Variants in DMD observed in about 807,000 individuals in gnomAD.
DMD encodes dystrophin.
A neutral mutation model predicts 330.1 loss-of-function variants in DMD; 63 were observed. The observed-to-expected ratio is 0.19, with a 90% CI of 0.16 to 0.24. DMD has a LOEUF of 0.24. Ranked by LOEUF, DMD falls within the 10% of genes least tolerant of loss-of-function variation. DMD has a pLI of 1.00. For missense variants in DMD, 3,344 were observed against 2,684.1 expected, an observed-to-expected ratio of 1.25 and a Z score of -5.43; for synonymous variants, 1,223 against 959.8, an observed-to-expected ratio of 1.27 and a Z score of -5.07.
chrX:32,219,161 T>G, intron 43 of DMD, among the ~76,000 whole-genome samples: 1 of 112,133 alleles, frequency 8.9e-6, no homozygotes, highest in Non-Finnish European at 1.9e-5. Flanking sequence ...TTTATGGTAT[T>G]CTAGAGTTAT....
chrX:31,718,912 A>T (rs753220317), intron 52 of DMD, among the ~76,000 whole-genome samples: 2 of 112,078 alleles, frequency 1.8e-5, no homozygotes, highest in South Asian at 3.7e-4. Flanking sequence ...TTTACAGATG[A>T]GAAAATTAAC....
intron 52 of DMD, among the ~76,000 whole-genome samples, chrX:31,692,937 T>C (rs758953994): frequency 3.9e-4 from 43 of 111,507 alleles, no homozygotes; most frequent in South Asian, 3.0e-3. Flanking sequence ...AGGCCAGCAA[T>C]ACCCTGATCC....
At chrX:32,205,010 T>TCTCTC (rs2097059434) in intron 44 of DMD, among the ~76,000 whole-genome samples, 6 of 53,071 alleles carry the variant, frequency 1.1e-4, no homozygotes, top group African/African-American at 3.9e-4. Flanking sequence ...CTCTCTCACA[T>TCTCTC]ACACACACAC....
At position 33,235,922 on chromosome X, in the gene DMD, T is replaced by TATTA. The variant is rs1569559007; in HGVS notation, c.7+103336_7+103337insTAAT. 7.2e-4 allele frequency among the ~76,000 whole-genome samples: 75 copies of TATTA among 104,886 alleles called. 1 individual carries two copies. The highest frequency in any genetic ancestry group is 2.5e-3 in the African/African-American group (71 of 28,482). The allele number at this position is 104,886 out of a possible 115,157, so 91.1% of individuals were successfully genotyped here. On this transcript the variant is annotated intron_variant, in intron 1 of 17. Coordinates refer to the DMD transcript ENST00000288447. ...TATTATTATTATTATTATTATTTTT[T>TATTA]TTTTTTTTTATGAGACGGAATCTGG... is the stretch of plus-strand genomic sequence containing the variant.
rs540863383 is a variant in DMD at position 32,554,969 on chromosome X, G to A, written c.1993-9635C>T. Among the ~76,000 whole-genome samples, 13 of 101,322 alleles carry A rather than the reference G, an allele frequency of 1.3e-4. 1 individual carries two copies. Among genetic ancestry groups the A allele is most frequent in the African/African-American group, 4.2e-4 (12 of 28,335 alleles). 88.0% of individuals were successfully genotyped at this position (101,322 alleles called of 115,157 possible). A position where few individuals can be genotyped will look rare whatever the true frequency, so the allele number is the denominator to read the frequency against. On this transcript the variant is annotated intron_variant, in intron 16 of 78. Transcript: ENST00000357033. ...AGAGAGAGGGAGAGAGAAAGAAAGAGAGAGAGAGAGAGAGAAAGAAAGAGA... is the reference window on the plus strand; with the variant it reads ...AGAGAGAGGGAGAGAGAAAGAAAGAAAGAGAGAGAGAGAGAAAGAAAGAGA...
intron 54 of DMD, among the ~76,000 whole-genome samples, chrX:31,635,287 T>C (rs1031231944): frequency 5.4e-5 from 6 of 112,145 alleles, no homozygotes; most frequent in Non-Finnish European, 1.1e-4. Flanking sequence ...ATAAACTCTT[T>C]AAAGATATAT....
At chrX:31,238,805 C>T (rs1289176771) in intron 63 of DMD, among the ~76,000 whole-genome samples, 1 of 111,405 alleles carries the variant, frequency 9.0e-6, no homozygotes, top group Non-Finnish European at 1.9e-5. Flanking sequence ...ACCATGATAC[C>T]GGGCAAGGAG....
intron 51 of DMD, among the ~76,000 whole-genome samples, chrX:31,742,074 A>G (rs1209858067): frequency 9.0e-6 from 1 of 111,330 alleles, no homozygotes; most frequent in African/African-American, 3.3e-5. Context: ...CAGCTTCCTC[A>G]CCTCTCTCGG....
intron 43 of DMD, among the ~76,000 whole-genome samples, chrX:32,260,727 A>G (rs921474431): frequency 1.0e-5 from 1 of 96,520 alleles, no homozygotes; most frequent in African/African-American, 3.4e-5. Context: ...TCCAAGAACT[A>G]TACATTATCC....
At chrX:31,175,249 C>T (rs918037936) in intron 71 of DMD, among the ~76,000 whole-genome samples, 2 of 110,748 alleles carry the variant, frequency 1.8e-5, no homozygotes, top group South Asian at 3.8e-4. Flanking sequence ...AGTGTTTTCC[C>T]TTGTAATAGT....
chrX:32,207,369 G>A (rs916135625), intron 44 of DMD, among the ~76,000 whole-genome samples: 3 of 111,075 alleles, frequency 2.7e-5, no homozygotes, highest in African/African-American at 6.6e-5. Context: ...GTAGGCCCTC[G>A]CCAGAGGCTG....
intron 44 of DMD, among the ~76,000 whole-genome samples, chrX:32,027,697 A>G (rs1240788530): frequency 8.9e-6 from 1 of 112,267 alleles, no homozygotes; most frequent in Admixed American, 9.5e-5. Flanking sequence ...TGTCATTTGA[A>G]ATACAGAATC....
At chrX:31,781,698 A>G (rs756354276) in intron 50 of DMD, among the ~76,000 whole-genome samples, 1 of 111,338 alleles carries the variant, frequency 9.0e-6, no homozygotes, top group African/African-American at 3.2e-5. Flanking sequence ...GGGTTTCTCA[A>G]TCTCAGCACT....
At chrX:32,276,655 C>T (rs2097389421) in intron 43 of DMD, among the ~76,000 whole-genome samples, 1 of 111,413 alleles carries the variant, frequency 9.0e-6, no homozygotes, top group Admixed American at 9.6e-5. Flanking sequence ...CATGGTGGCT[C>T]ACGCCTGTAA....
At chrX:32,725,882 C>A (rs1346393055) in intron 7 of DMD, among the ~76,000 whole-genome samples, 1 of 110,625 alleles carries the variant, frequency 9.0e-6, no homozygotes. Context: ...GATGGATACC[C>A]CATTCTCCAT....
intron 37 of DMD, among the ~76,000 whole-genome samples, chrX:32,360,197 A>G (rs1158871708): frequency 2.7e-5 from 3 of 112,237 alleles, no homozygotes; most frequent in African/African-American, 9.7e-5. Flanking sequence ...CTAAGTATTC[A>G]TTTCTGTTTG....
intron 44 of DMD, among the ~76,000 whole-genome samples, chrX:32,062,696 G>A (rs1285656227): frequency 1.8e-5 from 2 of 111,234 alleles, no homozygotes; most frequent in Non-Finnish European, 3.8e-5. Context: ...TTTAAAACAA[G>A]CAGCTTGCCA....
chrX:32,326,497 C>A (rs1346657296), intron 41 of DMD, among the ~76,000 whole-genome samples: 1 of 112,668 alleles, frequency 8.9e-6, no homozygotes, highest in East Asian at 2.8e-4. Context: ...GCCTATGCAG[C>A]CTCAGATGTA....
intron 48 of DMD, among the ~76,000 whole-genome samples, chrX:31,842,532 C>A (rs1454771880): frequency 6.3e-5 from 7 of 111,281 alleles, no homozygotes; most frequent in Non-Finnish European, 1.9e-5. Context: ...ACCAACATAG[C>A]AAACCTCATG....
Sources: allele counts gnomAD v4.1 joint callset (sites outside exome capture counted in the v4.1 genomes callset), GRCh38; gene constraint gnomAD v4.1.1; transcripts MANE v1.5; gene names NCBI Gene and HGNC (gene_info 2026-07-23, HGNC 2026-07-21).